Variants in RYR3 observed in about 807,000 individuals in gnomAD.
RYR3 encodes the protein ryanodine receptor 3, also known as brain ryanodine receptor-calcium release channel.
In RYR3, 207 loss-of-function variants were observed where a neutral mutation model predicts 584.3. That is an observed-to-expected ratio of 0.35 (90% CI 0.32 to 0.40). RYR3 has a LOEUF of 0.40. Among genes scored for constraint, RYR3 ranks in the 10% least tolerant of loss-of-function variants. The probability of loss-of-function intolerance (pLI) is 1.00; values close to 1 mark genes in which losing one functional copy is unlikely to be tolerated. For synonymous variants in RYR3, 2,416 were observed against 2,248.5 expected, an observed-to-expected ratio of 1.07 and a Z score of -2.11; for missense variants, 5,616 against 6,089.2, an observed-to-expected ratio of 0.92 and a Z score of 2.59.
chr15:33,436,967 G>A lies in RYR3; in HGVS notation c.52-36452G>A, dbSNP rs530091079. 2.0e-5 allele frequency among the ~76,000 whole-genome samples: 3 copies of A among 152,152 alleles called. No homozygotes were observed. The South Asian group carries it at 6.2e-4, about 32-fold the overall frequency. On this transcript the variant is annotated intron_variant, in intron 1 of 103. Transcript: ENST00000634891. ...TTAAATATCTAATCCACTGGAATTG[G>A]TGTGTGAGTTGTGAAGTGGGGATTC...
rs150051132 is a variant in RYR3, at chr15:33,612,952, C to A, written c.2165-231C>A. Among the ~76,000 whole-genome samples, 447 of 152,316 alleles carry A rather than the reference C, an allele frequency of 2.9e-3. 1 individual carries two copies. The highest frequency in any genetic ancestry group is 0.01 in the African/African-American group (435 of 41,572). ...CTTGAGCATTTCCCCTGAGACTCATCGCAAATCAGGCATGGTGTCTGCCCA... is the reference window on the plus strand; with the variant it reads ...CTTGAGCATTTCCCCTGAGACTCATAGCAAATCAGGCATGGTGTCTGCCCA... On this transcript the variant is annotated intron_variant, in intron 18 of 103. Coordinates refer to ENST00000634891, the MANE Select transcript of RYR3 (RefSeq NM_001036.6).
chr15:33,701,292 CAT>C (rs1180355491), intron 42 of RYR3, among the ~76,000 whole-genome samples: 4 of 152,194 alleles, frequency 2.6e-5, no homozygotes, highest in Non-Finnish European at 4.4e-5. Context: ...ACTTCAGAGA[CAT>C]GTGGACATTT....
chr15:33,642,090 G>C (rs558078779), intron 27 of RYR3, among the ~76,000 whole-genome samples: 3 of 152,144 alleles, frequency 2.0e-5, no homozygotes, highest in African/African-American at 4.8e-5. Context: ...CCTCTCTACT[G>C]GTGCTTAGGA....
chr15:33,835,412 C>A (rs1458465014), intron 87 of RYR3, among the ~76,000 whole-genome samples: 2 of 152,180 alleles, frequency 1.3e-5, no homozygotes, highest in African/African-American at 2.4e-5. Context: ...CCAGCCCCGT[C>A]TGACTTGTCC....
At chr15:33,538,918 C>A (rs2055565859) in intron 5 of RYR3, among the ~76,000 whole-genome samples, 1 of 151,966 alleles carries the variant, frequency 6.6e-6, no homozygotes, top group Admixed American at 6.6e-5. Flanking sequence ...AAAAAAGCTT[C>A]CCTTAGGACA....
intron 16 of RYR3, among the ~76,000 whole-genome samples, chr15:33,593,266 G>GTT (rs139170815): frequency 1.3e-5 from 2 of 151,830 alleles, no homozygotes. Flanking sequence ...CCACTTTTCT[G>GTT]TTTTTTTAAT....
intron 1 of RYR3, among the ~76,000 whole-genome samples, chr15:33,375,515 G>A (rs1186571309): frequency 6.6e-6 from 1 of 152,124 alleles, no homozygotes; most frequent in African/African-American, 2.4e-5. Flanking sequence ...AGCCAGATAG[G>A]CATATTTCAA....
chr15:33,769,501 A>G (rs575132735), intron 62 of RYR3, among the ~76,000 whole-genome samples: 4 of 151,916 alleles, frequency 2.6e-5, no homozygotes, highest in South Asian at 2.1e-4. Flanking sequence ...GATGAACCAC[A>G]GCGCTCTGAA....
chr15:33,598,753 A>T (rs1054877864), intron 16 of RYR3, among the ~76,000 whole-genome samples: 2 of 112,736 alleles, frequency 1.8e-5, no homozygotes, highest in Admixed American at 9.3e-5. Flanking sequence ...AAGTAAAACT[A>T]AAAAAAAAAA....
chr15:33,823,769 C>T (rs1430711214), intron 81 of RYR3, among the ~76,000 whole-genome samples: 2 of 152,256 alleles, frequency 1.3e-5, no homozygotes, highest in East Asian at 1.9e-4. Context: ...AAAGTGTCAG[C>T]TTATTGTCTA....
At chr15:33,809,818 C>T (rs1308673764) in intron 70 of RYR3, among the ~76,000 whole-genome samples, 1 of 152,004 alleles carries the variant, frequency 6.6e-6, no homozygotes, top group African/African-American at 2.4e-5. Context: ...CTCTCTTAAA[C>T]CTGCAACTTC....
chr15:33,321,371 G>A (rs1172255200), intron 1 of RYR3, among the ~76,000 whole-genome samples: 1 of 152,124 alleles, frequency 6.6e-6, no homozygotes, highest in African/African-American at 2.4e-5. Flanking sequence ...GTCCTGCTGG[G>A]GCAGTTGTCC....
intron 70 of RYR3, among the ~76,000 whole-genome samples, chr15:33,808,433 TAGAG>T (rs1203769135): frequency 6.6e-6 from 1 of 152,166 alleles, no homozygotes; most frequent in East Asian, 1.9e-4. Context: ...CCCAATCAAA[TAGAG>T]AGTGAGCAGG....
chr15:33,392,271 G>A (rs2042047410), intron 1 of RYR3, among the ~76,000 whole-genome samples: 1 of 151,288 alleles, frequency 6.6e-6, no homozygotes, highest in African/African-American at 2.4e-5. Context: ...GCATGCGTCA[G>A]TGTCTTAGGG....
intron 1 of RYR3, among the ~76,000 whole-genome samples, chr15:33,427,935 A>G (rs2044783256): frequency 6.6e-6 from 1 of 152,222 alleles, no homozygotes; most frequent in Non-Finnish European, 1.5e-5. Context: ...TCATGTGGGA[A>G]CTACTATCTT....
chr15:33,619,931 G>A (rs1211011571), intron 19 of RYR3, among the ~76,000 whole-genome samples: 1 of 152,048 alleles, frequency 6.6e-6, no homozygotes, highest in Non-Finnish European at 1.5e-5. Flanking sequence ...AGTTTTCTTA[G>A]CCTCAGGCTG....
At position 33,736,399 on chromosome 15, in the gene RYR3, C is replaced by CA. The variant is rs2069466223; in HGVS notation, c.7515+76dup. 3 of 996,894 alleles carry CA rather than the reference C, an allele frequency of 3.0e-6. No homozygotes were observed. The East Asian group carries it at 7.7e-5, about 26-fold the overall frequency. 61.8% of individuals were successfully genotyped at this position (996,894 alleles called of 1,614,324 possible). ...TGCCTTGTAATATGTGATGTCTTCA[C>CA]AATTTAGAAGGAAAAATACATGCTA... On this transcript the variant is annotated intron_variant, in intron 49 of 103. Transcript: ENST00000634891.
In RYR3 at chr15:33,861,177, T is replaced by A; in HGVS notation, c.14464T>A (p.Leu4822Met). 1.3e-6 allele frequency: 2 copies of A among 1,580,268 alleles called. No homozygotes were observed. Among genetic ancestry groups the A allele is most frequent in the Non-Finnish European group, 1.7e-6 (2 of 1,160,874 alleles). ...ACAAGAGCACAACTTAGCCAACTAC[T>A]TGTGAGTATTCTTGGTTAACAAAAG... The part of the protein sequence containing the change: ...TLQEHNLANY[L>M]FFLMYLINKD... Residue 4822 changes from leucine (L) to methionine (M), a missense_variant and splice_region_variant, in exon 102 of 104, where the codon TTG (leucine) becomes ATG (methionine). Leu to Met is a conservative substitution (Grantham distance 15, BLOSUM62 2). This residue lies in a region of RYR3 where 918 missense variants were observed against 887.4 expected (regional missense o/e 1.03). Transcript: ENST00000634891.
intron 1 of RYR3, among the ~76,000 whole-genome samples, chr15:33,414,052 A>G (rs564889191): frequency 1.3e-5 from 2 of 152,344 alleles, no homozygotes; most frequent in African/African-American, 2.4e-5. Context: ...ATGTATATCA[A>G]ATTACCTAAT....
Sources: allele counts gnomAD v4.1 joint callset (sites outside exome capture counted in the v4.1 genomes callset), GRCh38; gene constraint gnomAD v4.1.1; regional missense constraint gnomAD v4.1.1; transcripts MANE v1.5; gene names NCBI Gene and HGNC (gene_info 2026-07-23, HGNC 2026-07-21).